Variants in ITGA1 observed in about 807,000 individuals in gnomAD.
The protein encoded by ITGA1 is integrin alpha-1.
Under a neutral mutation model 145.9 loss-of-function variants are expected in ITGA1, and 85 were observed. The observed-to-expected ratio is 0.58, with a 90% CI of 0.49 to 0.70. The LOEUF (loss-of-function observed/expected upper bound fraction) is 0.70, where lower values mean the gene tolerates loss of function less well. Ranked by LOEUF, ITGA1 falls within the 30% of genes least tolerant of loss-of-function variation. ITGA1 has a pLI of 0.00. For missense variants in ITGA1, 1,351 were observed against 1,418.7 expected (o/e 0.95, Z 0.77); for synonymous variants, 520 against 495.3 (o/e 1.05, Z -0.66).
intron 2 of ITGA1, among the ~76,000 whole-genome samples, chr5:52,850,146 C>A (rs549828775): frequency 6.6e-6 from 1 of 151,958 alleles, no homozygotes; most frequent in South Asian, 2.1e-4. Context: ...GGATTACAGG[C>A]GTGTACCACC....
chr5:52,916,681 A>C (rs116566990), intron 15 of ITGA1, among the ~76,000 whole-genome samples: 2,107 of 152,294 alleles, frequency 0.014, 18 homozygotes, highest in South Asian at 0.022. Context: ...ATTAGGCAGC[A>C]CAGTGGCTGG....
At chr5:52,865,573 T>TA in intron 5 of ITGA1, 117 bp from the exon 6 acceptor site, 1 of 777,136 alleles carries the variant, frequency 1.3e-6, no homozygotes, top group Non-Finnish European at 1.9e-6. Context: ...ACAATGTGTC[T>TA]ACTTTGGAGA....
At chr5:52,947,672 T>C (rs1751156290) in intron 28 of ITGA1, among the ~76,000 whole-genome samples, 1 of 152,204 alleles carries the variant, frequency 6.6e-6, no homozygotes, top group African/African-American at 2.4e-5. Context: ...AAAAAACTTA[T>C]TTTAAGTTAG....
At chr5:52,890,598 T>G (rs574873680) in intron 8 of ITGA1, among the ~76,000 whole-genome samples, 1 of 152,334 alleles carries the variant, frequency 6.6e-6, no homozygotes, top group East Asian at 1.9e-4. Context: ...TTAATTTTTA[T>G]GGATACACGA....
In ITGA1 at chr5:52,889,993, C is replaced by T. The variant is rs554744762; in HGVS notation, c.924+2028C>T. On this transcript the variant is annotated intron_variant, in intron 8 of 28. Coordinates refer to ENST00000282588, the MANE Select transcript of ITGA1 (RefSeq NM_181501.2). ...CCTTGAATTAATCCGATCCTTGCTT[C>T]GTTCAGGCCAAATTGTAATCATTTG... is the stretch of plus-strand genomic sequence containing the variant. The T allele has an allele frequency of 4.0e-5, 6 of 151,820 alleles. No homozygotes were observed. The East Asian group carries it at 5.8e-4, about 15-fold the overall frequency. 9.4% of individuals were successfully genotyped at this position (151,820 alleles called of 1,614,324 possible).
At chr5:52,886,386 G>T (rs78048191) in intron 7 of ITGA1, among the ~76,000 whole-genome samples, 4,045 of 152,238 alleles carry the variant, frequency 0.027, 205 homozygotes, top group African/African-American at 0.094. Context: ...AAAGATATCA[G>T]TTATGGTATA....
intron 2 of ITGA1, among the ~76,000 whole-genome samples, chr5:52,861,227 T>C (rs1188600714): frequency 6.6e-6 from 1 of 152,058 alleles, no homozygotes; most frequent in Non-Finnish European, 1.5e-5. Flanking sequence ...TATATGTATA[T>C]TGTATATGTA....
chr5:52,819,548 C>G (rs943890461), intron 1 of ITGA1, among the ~76,000 whole-genome samples: 19 of 152,064 alleles, frequency 1.2e-4, no homozygotes, highest in Non-Finnish European at 2.1e-4. Context: ...TGGATATTAG[C>G]CCTTTGTCAG....
chr5:52,859,519 G>A (rs1159755002), intron 2 of ITGA1, among the ~76,000 whole-genome samples: 1 of 152,052 alleles, frequency 6.6e-6, no homozygotes, highest in African/African-American at 2.4e-5. Flanking sequence ...AGTCTCAATA[G>A]CTTAATATTT....
intron 24 of ITGA1, among the ~76,000 whole-genome samples, chr5:52,938,529 C>G (rs965797366): frequency 1.3e-4 from 20 of 152,224 alleles, no homozygotes; most frequent in African/African-American, 4.1e-4. Flanking sequence ...AAAAATAAGC[C>G]TTTGGAATTT....
chr5:52,801,853 A>G, intron 1 of ITGA1: 1 of 1,550,248 alleles, frequency 6.5e-7, no homozygotes, highest in Non-Finnish European at 8.7e-7. Flanking sequence ...ATTGAAACTT[A>G]AAATTGAGAC....
intron 14 of ITGA1, among the ~76,000 whole-genome samples, chr5:52,912,913 A>C (rs1750589349): frequency 6.6e-6 from 1 of 151,636 alleles, no homozygotes; most frequent in Admixed American, 6.6e-5. Context: ...CGCCCGGCTA[A>C]TTTTTTGCAT....
intron 1 of ITGA1, among the ~76,000 whole-genome samples, chr5:52,831,419 C>A (rs1185960086): frequency 6.6e-6 from 1 of 152,056 alleles, no homozygotes; most frequent in Non-Finnish European, 1.5e-5. Flanking sequence ...CAGGAGTGAG[C>A]CACTGCACCC....
At chr5:52,873,548 A>G (rs1033188496) in intron 6 of ITGA1, among the ~76,000 whole-genome samples, 1 of 152,210 alleles carries the variant, frequency 6.6e-6, no homozygotes, top group Non-Finnish European at 1.5e-5. Flanking sequence ...ATCCCTCTTT[A>G]TAATGACAAA....
At position 52,811,787 on chromosome 5, in the gene ITGA1, A is replaced by C. The variant is rs561723048; in HGVS notation, c.61+23373A>C. On this transcript the variant is annotated intron_variant, in intron 1 of 28. Coordinates refer to ENST00000282588, the MANE Select transcript of ITGA1 (RefSeq NM_181501.2). ...TTCTTGTTATTTTCCTCTTCTATCA[A>C]CTTTGCTCACTCTCCCAAAGAAATA... 1.4e-4 allele frequency among the ~76,000 whole-genome samples: 21 copies of C among 152,226 alleles called. No homozygotes were observed. The East Asian group carries it at 3.9e-3, about 28-fold the overall frequency.
chr5:52,891,112 T>A (rs1342739671), intron 8 of ITGA1, among the ~76,000 whole-genome samples: 1 of 152,164 alleles, frequency 6.6e-6, no homozygotes, highest in African/African-American at 2.4e-5. Flanking sequence ...CCATGTTTTT[T>A]TAAATCCATT....
At chr5:52,831,986 GCCTCATTCTTCCT>G (rs1410065139) in intron 1 of ITGA1, among the ~76,000 whole-genome samples, 5 of 152,062 alleles carry the variant, frequency 3.3e-5, no homozygotes, top group Admixed American at 6.6e-5. Context: ...TAGCTCTGTT[GCCTCATTCTTCCT>G]CCTCATTCTT....
chr5:52,881,955 C>T lies in ITGA1; in HGVS notation c.707C>T (p.Ala236Val). 1 of 1,613,698 alleles carries T rather than the reference C, an allele frequency of 6.2e-7. No individual in the cohort carries two copies. The highest frequency in any genetic ancestry group is 2.2e-5 in the East Asian group (1 of 44,860). ...KYSSTEEVLV[A>V]AKKIVQRGGR... The stretch of plus-strand genomic sequence containing the variant: ...TCTTCCACCGAAGAGGTACTTGTTG[C>T]AGCAAAGAAAATAGTCCAGAGAGGT... The change falls in exon 7 of 29, where the codon GCA (alanine) becomes GTA (valine). Residue 236 changes from alanine (A) to valine (V), a missense_variant. Coordinates refer to ENST00000282588, the MANE Select transcript of ITGA1 (RefSeq NM_181501.2).
intron 1 of ITGA1, among the ~76,000 whole-genome samples, chr5:52,819,921 T>C (rs1561217875): frequency 3.3e-5 from 5 of 152,216 alleles, no homozygotes. Context: ...TCCCCATTGC[T>C]TGTTTTTCTC....
Sources: allele counts gnomAD v4.1 joint callset (sites outside exome capture counted in the v4.1 genomes callset), GRCh38; gene constraint gnomAD v4.1.1; transcripts MANE v1.5; gene names NCBI Gene and HGNC (gene_info 2026-07-23, HGNC 2026-07-21).